Variants in MSI2 observed in about 807,000 individuals in gnomAD.
The protein encoded by MSI2 is RNA-binding protein Musashi homolog 2.
A neutral mutation model predicts 45.6 loss-of-function variants in MSI2; 17 were observed. The observed-to-expected ratio is 0.37, with a 90% CI of 0.26 to 0.56. The LOEUF (loss-of-function observed/expected upper bound fraction) is 0.56, where lower values mean the gene tolerates loss of function less well. MSI2 is among the 20% of genes least tolerant of loss of function. MSI2 has a pLI of 0.77. For synonymous variants in MSI2, 156 were observed against 158.2 expected, an observed-to-expected ratio of 0.99 and a Z score of 0.11; for missense variants, 293 against 444.2, an observed-to-expected ratio of 0.66 and a Z score of 3.06.
chr17:57,614,273 G>A (rs958813473), intron 8 of MSI2, among the ~76,000 whole-genome samples: 12 of 152,174 alleles, frequency 7.9e-5, no homozygotes, highest in Non-Finnish European at 2.9e-5. Context: ...GGCTGGTCTC[G>A]AACTCCTGGA....
chr17:57,269,065 A>AT lies in MSI2; in HGVS notation c.312+6873_312+6874insT, dbSNP rs772537262. 1.9e-3 allele frequency among the ~76,000 whole-genome samples: 290 copies of AT among 152,252 alleles called. 2 individuals carry two copies. The highest frequency in any genetic ancestry group is 3.7e-3 in the Non-Finnish European group (252 of 68,012). On this transcript the variant is annotated intron_variant, in intron 5 of 13. Transcript: ENST00000284073. The stretch of plus-strand genomic sequence containing the variant: ...AAGAGGTAGGAACAGCATTTTGAGG[A>AT]AGGGCAATCTAAGCTTCTAGGAAGA...
intron 8 of MSI2, among the ~76,000 whole-genome samples, chr17:57,613,869 C>T (rs1384928637): frequency 2.6e-5 from 4 of 152,068 alleles, no homozygotes; most frequent in Non-Finnish European, 5.9e-5. Context: ...TGTGGTTATT[C>T]TTGAAAGAGC....
At chr17:57,383,251 GAGGAGGGCCTTTGGCAAGGGCAAGAA>G (rs1191033725) in intron 5 of MSI2, among the ~76,000 whole-genome samples, 1 of 152,248 alleles carries the variant, frequency 6.6e-6, no homozygotes, top group Non-Finnish European at 1.5e-5. Flanking sequence ...CTAGGAAGAG[GAGGAGGGCCTTTGGCAAGGGCAAGAA>G]AGGCCTCTTA....
At chr17:57,603,286 A>G (rs1398597045) in intron 8 of MSI2, among the ~76,000 whole-genome samples, 2 of 152,208 alleles carry the variant, frequency 1.3e-5, no homozygotes, top group Admixed American at 6.5e-5. Flanking sequence ...TCTTGGGGTA[A>G]AGGGCTCGAT....
At chr17:57,563,128 A>C (rs2087627930) in intron 7 of MSI2, among the ~76,000 whole-genome samples, 1 of 147,992 alleles carries the variant, frequency 6.8e-6, no homozygotes, top group South Asian at 2.1e-4. Flanking sequence ...AAAACAGTGC[A>C]TAGATTTGTG....
intron 10 of MSI2, among the ~76,000 whole-genome samples, chr17:57,638,773 A>G (rs1034747862): frequency 1.3e-5 from 2 of 152,094 alleles, no homozygotes; most frequent in Non-Finnish European, 2.9e-5. Context: ...ATGGGGGCAC[A>G]CACCTGAAAT....
At chr17:57,462,970 TC>T (rs1408437823) in intron 6 of MSI2, among the ~76,000 whole-genome samples, 5 of 152,226 alleles carry the variant, frequency 3.3e-5, no homozygotes, top group Non-Finnish European at 5.9e-5. Context: ...GCTGGGAGAC[TC>T]CCGCTTGGAT....
chr17:57,370,542 G>C (rs2083405206), intron 5 of MSI2, among the ~76,000 whole-genome samples: 1 of 152,204 alleles, frequency 6.6e-6, no homozygotes, highest in Non-Finnish European at 1.5e-5. Flanking sequence ...GTTATCAGGA[G>C]TTAGTCCTAA....
At chr17:57,648,482 G>A (rs181445814) in intron 10 of MSI2, among the ~76,000 whole-genome samples, 57 of 152,278 alleles carry the variant, frequency 3.7e-4, no homozygotes, top group Admixed American at 2.4e-3. Flanking sequence ...ATCGAACCCA[G>A]ACAGGCTCCA....
chr17:57,455,410 C>T (rs1365744857), intron 6 of MSI2, among the ~76,000 whole-genome samples: 1 of 152,082 alleles, frequency 6.6e-6, no homozygotes, highest in Non-Finnish European at 1.5e-5. Flanking sequence ...CTCTCTTTTG[C>T]CTTTGTGAAA....
At chr17:57,262,614 T>C (rs2143192395) in intron 5 of MSI2, among the ~76,000 whole-genome samples, 1 of 152,338 alleles carries the variant, frequency 6.6e-6, no homozygotes, top group South Asian at 2.1e-4. Flanking sequence ...GATCCTTTCT[T>C]GGAAAAGACA....
At chr17:57,507,487 C>T (rs143115501) in intron 6 of MSI2, among the ~76,000 whole-genome samples, 1 of 152,134 alleles carries the variant, frequency 6.6e-6, no homozygotes, top group Admixed American at 6.6e-5. Flanking sequence ...AATCTTTGGC[C>T]TTTGAAAGTG....
chr17:57,559,707 C>T (rs1169164749), intron 7 of MSI2, among the ~76,000 whole-genome samples: 3 of 152,278 alleles, frequency 2.0e-5, no homozygotes, highest in East Asian at 1.9e-4. Flanking sequence ...GGCTTTGTTC[C>T]TGCACCTGGT....
chr17:57,300,126 A>G (rs1002830807), intron 5 of MSI2, among the ~76,000 whole-genome samples: 5 of 152,090 alleles, frequency 3.3e-5, no homozygotes, highest in African/African-American at 1.2e-4. Flanking sequence ...TCCTAACTCC[A>G]TAGGCACTCC....
At chr17:57,343,914 G>A (rs574720710) in intron 5 of MSI2, among the ~76,000 whole-genome samples, 6 of 152,164 alleles carry the variant, frequency 3.9e-5, no homozygotes, top group Admixed American at 2.0e-4. Flanking sequence ...AGAACACGAC[G>A]TAAGTGTTTT....
At chr17:57,605,695 C>A (rs1416851516) in intron 8 of MSI2, among the ~76,000 whole-genome samples, 2 of 152,252 alleles carry the variant, frequency 1.3e-5, no homozygotes, top group African/African-American at 4.8e-5. Flanking sequence ...TTGCCAATTT[C>A]TCTTCTAGTT....
Position 57,683,658 on chromosome 17 carries a change from C to T in MSI2, c.*4141C>T. 4.4e-6 allele frequency: 1 copy of T among 229,216 alleles called. No individual in the cohort carries two copies. Among genetic ancestry groups the T allele is most frequent in the East Asian group, 6.1e-5 (1 of 16,276 alleles). The allele number at this position is 229,216 out of a possible 1,614,324, so 14.2% of individuals were successfully genotyped here. A position where few individuals can be genotyped will look rare whatever the true frequency, so the allele number is the denominator to read the frequency against. ...GCAGGAACAGAGGGAGAGTGGGGGGCTGGTGGGGGAGGGGAGATTTTTTTT... is the reference window on the plus strand; with the variant it reads ...GCAGGAACAGAGGGAGAGTGGGGGGTTGGTGGGGGAGGGGAGATTTTTTTT... On this transcript the variant is annotated 3_prime_UTR_variant, in exon 14 of 14. Transcript: ENST00000284073. The surrounding 1 kb of genome is among the most constrained non-coding windows in gnomAD (Gnocchi z 5.2).
chr17:57,677,129 A>C (rs540795180), intron 13 of MSI2, 70 bp downstream of exon 13: 1 of 1,048,752 alleles, frequency 9.5e-7, no homozygotes, highest in East Asian at 2.4e-5. Flanking sequence ...CAGGTCATAC[A>C]TGCACGTGCG....
chr17:57,452,654 G>C (rs1156309970), intron 6 of MSI2, among the ~76,000 whole-genome samples: 1 of 152,200 alleles, frequency 6.6e-6, no homozygotes. Flanking sequence ...TCTCTAAGAT[G>C]GTTCGGATTT....
Sources: allele counts gnomAD v4.1 joint callset (sites outside exome capture counted in the v4.1 genomes callset), GRCh38; gene constraint gnomAD v4.1.1; non-coding constraint Gnocchi (gnomAD v3.1); transcripts MANE v1.5; gene names NCBI Gene and HGNC (gene_info 2026-07-23, HGNC 2026-07-21).